The following EFCAB6 variants were observed in gnomAD, a reference collection of about 807,000 sequenced individuals.
The protein encoded by EFCAB6 is EF-hand calcium-binding domain-containing protein 6.
A neutral mutation model predicts 169.8 loss-of-function variants in EFCAB6; 156 were observed. That is an observed-to-expected ratio of 0.92 (90% CI 0.81 to 1.05). EFCAB6 has a LOEUF of 1.05. Ranked by LOEUF, EFCAB6 falls within the 50% of genes least tolerant of loss-of-function variation. EFCAB6 has a pLI of 0.00. For synonymous variants in EFCAB6, 698 were observed against 676.4 expected, an observed-to-expected ratio of 1.03 and a Z score of -0.50; for missense variants, 1,800 against 1,829.1, an observed-to-expected ratio of 0.98 and a Z score of 0.29.
At chr22:43,569,051 T>C (rs1290226841) in intron 26 of EFCAB6, among the ~76,000 whole-genome samples, 2 of 152,180 alleles carry the variant, frequency 1.3e-5, no homozygotes, top group Non-Finnish European at 2.9e-5. Flanking sequence ...CGGCCGGCCC[T>C]GTGCTACTTC....
intron 17 of EFCAB6, among the ~76,000 whole-genome samples, chr22:43,643,406 C>A (rs1170204029): frequency 1.3e-5 from 2 of 152,228 alleles, no homozygotes; most frequent in Admixed American, 1.3e-4. Context: ...CAACTTTGTC[C>A]TTTACTGATG....
chr22:43,555,062 C>A lies in EFCAB6; in HGVS notation c.3455G>T (p.Gly1152Val), dbSNP rs746270563. 6.2e-7 allele frequency: 1 copy of A among 1,614,182 alleles called. No homozygotes were observed. Among genetic ancestry groups the A allele is most frequent in the Non-Finnish European group, 8.5e-7 (1 of 1,180,024 alleles). Residue 1152 changes from glycine (G) to valine (V), a missense_variant, in exon 27 of 32, where the codon GGC becomes GTC. Gly to Val is a moderately radical substitution (Grantham distance 109). Transcript: ENST00000262726. ...GGCCTTGGGAGAGGTAGGCGGCGGGCCTTTGGGCATTTTCTCAGCCCACTC... is the reference window on the plus strand; with the variant it reads ...GGCCTTGGGAGAGGTAGGCGGCGGGACTTTGGGCATTTTCTCAGCCCACTC... Reference protein sequence around the residue: ...ADEWAEKMPKGPPPTSPKATA... With the variant: ...ADEWAEKMPKVPPPTSPKATA...
intron 2 of EFCAB6, among the ~76,000 whole-genome samples, chr22:43,805,022 G>A (rs988501847): frequency 6.6e-6 from 1 of 152,188 alleles, no homozygotes; most frequent in Non-Finnish European, 1.5e-5. Flanking sequence ...CAGTAAAGTT[G>A]CAGAATGCAA....
intron 7 of EFCAB6, 112 bp downstream of exon 7, chr22:43,735,745 T>G: frequency 8.0e-7 from 1 of 1,243,960 alleles, no homozygotes; most frequent in Non-Finnish European, 1.1e-6. Flanking sequence ...GGTGTGTGTG[T>G]GTGGCAGGGG....
intron 27 of EFCAB6, chr22:43,554,611 T>C (rs949814879): frequency 2.1e-6 from 1 of 479,038 alleles, no homozygotes; most frequent in Admixed American, 3.6e-5. Flanking sequence ...AGAAGGAGTG[T>C]GGGAGCCGAA....
intron 6 of EFCAB6, among the ~76,000 whole-genome samples, chr22:43,741,758 C>T (rs375984664): frequency 6.6e-5 from 10 of 152,174 alleles, no homozygotes; most frequent in Admixed American, 4.6e-4. Flanking sequence ...GGGCAGGATT[C>T]GGTATCTTCT....
At position 43,795,050 on chromosome 22, in the gene EFCAB6, C is replaced by T. The variant is rs1414305315; in HGVS notation, c.-7-12725G>A. ...TCCCCAGGCCCTGTACAGCCCCTTG[C>T]CCTGCCCGAACCTCATCGTCACAGA... is the stretch of plus-strand genomic sequence containing the variant. On this transcript the variant is annotated intron_variant, in intron 2 of 31. Coordinates refer to ENST00000262726, the MANE Select transcript of EFCAB6 (RefSeq NM_022785.4). The surrounding 1 kb of genome is among the most constrained non-coding windows in gnomAD (Gnocchi z 4.2). 2.0e-5 allele frequency among the ~76,000 whole-genome samples: 3 copies of T among 152,142 alleles called. No individual in the cohort carries two copies. The highest frequency in any genetic ancestry group is 6.6e-5 in the Admixed American group (1 of 15,266).
At chr22:43,543,523 C>T (rs1822684598) in intron 27 of EFCAB6, among the ~76,000 whole-genome samples, 1 of 152,198 alleles carries the variant, frequency 6.6e-6, no homozygotes, top group African/African-American at 2.4e-5. Context: ...CCCCTCCTTC[C>T]TCCACTGGGA....
intron 8 of EFCAB6, among the ~76,000 whole-genome samples, chr22:43,720,967 C>T (rs1282237512): frequency 6.6e-6 from 1 of 152,076 alleles, no homozygotes; most frequent in Non-Finnish European, 1.5e-5. Context: ...GATTCTATAC[C>T]TAGAAAACCC....
Position 43,711,693 on chromosome 22 carries a change from T to G in EFCAB6, c.883-70A>C, listed in dbSNP as rs757429281. ...TTCATGGAGCTATTCAACCATTTTA[T>G]TTTTACCAAAAACCTCTTCAAATTT... is the stretch of plus-strand genomic sequence containing the variant. On this transcript the variant is annotated intron_variant, in intron 9 of 31. Transcript: ENST00000262726. 7.2e-5 allele frequency: 111 copies of G among 1,531,938 alleles called. 2 individuals carry two copies. In the Admixed American group the frequency reaches 1.3e-3, roughly 18 times the overall value. 94.9% of individuals were successfully genotyped at this position (1,531,938 alleles called of 1,614,324 possible).
At chr22:43,702,386 A>G (rs1299708325) in intron 10 of EFCAB6, among the ~76,000 whole-genome samples, 1 of 152,230 alleles carries the variant, frequency 6.6e-6, no homozygotes, top group Non-Finnish European at 1.5e-5. Context: ...GAAATGCCCC[A>G]AATTGGAAAT....
chr22:43,561,498 G>A (rs746736284), intron 26 of EFCAB6, among the ~76,000 whole-genome samples: 2 of 151,936 alleles, frequency 1.3e-5, no homozygotes, highest in Non-Finnish European at 1.5e-5. Context: ...CACCGACCTG[G>A]GGTCCCCAGG....
chr22:43,771,931 CG>C (rs2061482141), intron 4 of EFCAB6, among the ~76,000 whole-genome samples: 2 of 152,316 alleles, frequency 1.3e-5, no homozygotes, highest in African/African-American at 4.8e-5. Flanking sequence ...GCATGGCAGG[CG>C]GATGCAGGCA....
rs554632557 is a variant in EFCAB6 at position 43,570,672 on chromosome 22, G to A, written c.3420+5625C>T. 2.7e-4 allele frequency among the ~76,000 whole-genome samples: 41 copies of A among 149,282 alleles called. No homozygotes were observed. The South Asian group carries it at 8.0e-3, about 29-fold the overall frequency. ...AGCCACTGGGTAGCATTTTTGCTTC[G>A]ATGCCTTGTTCCTCTTTTATGCCTT... is the stretch of plus-strand genomic sequence containing the variant. On this transcript the variant is annotated intron_variant, in intron 26 of 31. Coordinates refer to ENST00000262726, the MANE Select transcript of EFCAB6 (RefSeq NM_022785.4).
At chr22:43,591,023 T>G (rs1054448946) in intron 23 of EFCAB6, among the ~76,000 whole-genome samples, 1 of 151,748 alleles carries the variant, frequency 6.6e-6, no homozygotes, top group African/African-American at 2.4e-5. Context: ...GAAACAGCCA[T>G]CATGTGGTGT....
chr22:43,616,144 T>C (rs943545233), intron 20 of EFCAB6, among the ~76,000 whole-genome samples: 1 of 152,244 alleles, frequency 6.6e-6, no homozygotes, highest in Non-Finnish European at 1.5e-5. Context: ...TTCAGATAAA[T>C]GCTATTCAAC....
At chr22:43,593,301 TTG>T (rs2051710163) in intron 23 of EFCAB6, among the ~76,000 whole-genome samples, 1 of 152,184 alleles carries the variant, frequency 6.6e-6, no homozygotes, top group African/African-American at 2.4e-5. Context: ...CTGAAATGCA[TTG>T]TGTCTTGCAG....
At chr22:43,616,466 C>T (rs774204305) in intron 20 of EFCAB6, among the ~76,000 whole-genome samples, 1 of 152,168 alleles carries the variant, frequency 6.6e-6, no homozygotes, top group Non-Finnish European at 1.5e-5. Flanking sequence ...ACTTCGAGAT[C>T]AGGCTGGCCA....
intron 6 of EFCAB6, among the ~76,000 whole-genome samples, chr22:43,745,164 T>C (rs923241155): frequency 6.6e-6 from 1 of 152,224 alleles, no homozygotes; most frequent in Admixed American, 6.5e-5. Context: ...CCAGAGTTCT[T>C]TGTTTAAAAT....
Sources: gnomAD v4.1 joint callset for allele counts (sites outside exome capture counted in the v4.1 genomes callset) on GRCh38, gnomAD v4.1.1 for gene constraint, Gnocchi (gnomAD v3.1) non-coding constraint, MANE v1.5 for transcripts, NCBI Gene and HGNC (gene_info 2026-07-23, HGNC 2026-07-21) for gene names.